Variants in PTPRD observed in about 807,000 individuals in gnomAD.
PTPRD encodes the protein receptor-type tyrosine-protein phosphatase delta.
PTPRD carries 34 observed loss-of-function variants against 214.5 expected under a neutral mutation model. The ratio of observed to expected loss-of-function variants is 0.16; its 90% CI spans 0.12 to 0.21. The LOEUF (loss-of-function observed/expected upper bound fraction) is 0.21. PTPRD is among the 10% of genes least tolerant of loss of function. The pLI, the probability that PTPRD is intolerant of heterozygous loss-of-function variation, is 1.00. For synonymous variants in PTPRD, 1,128 were observed against 845.7 expected (o/e 1.33, Z -5.79); for missense variants, 2,545 against 2,398.7 (o/e 1.06, Z -1.27).
At chr9:9,874,005 A>T (rs1045970785) in intron 5 of PTPRD, among the ~76,000 whole-genome samples, 1 of 152,184 alleles carries the variant, frequency 6.6e-6, no homozygotes, top group Non-Finnish European at 1.5e-5. Flanking sequence ...TTCTTCTTAA[A>T]GCAGATTTTA....
intron 5 of PTPRD, among the ~76,000 whole-genome samples, chr9:9,921,944 T>A (rs2082666606): frequency 6.6e-6 from 1 of 152,082 alleles, no homozygotes; most frequent in Non-Finnish European, 1.5e-5. Context: ...GTGGCAAAGC[T>A]AGTATTCAAG....
At chr9:9,722,512 A>T (rs1329678184) in intron 7 of PTPRD, among the ~76,000 whole-genome samples, 1 of 152,096 alleles carries the variant, frequency 6.6e-6, no homozygotes, top group African/African-American at 2.4e-5. Context: ...GCTGTTATGA[A>T]TAATGTTCCT....
chr9:8,997,377 T>C (rs1157338481), intron 11 of PTPRD, among the ~76,000 whole-genome samples: 1 of 152,116 alleles, frequency 6.6e-6, no homozygotes, highest in Non-Finnish European at 1.5e-5. Context: ...ATTTAGGTAA[T>C]TTTCACAATA....
chr9:9,697,310 T>C (rs1254963310), intron 7 of PTPRD, among the ~76,000 whole-genome samples: 1 of 152,122 alleles, frequency 6.6e-6, no homozygotes, highest in Admixed American at 6.6e-5. Context: ...TGCATATTAG[T>C]GTTATTTTTT....
chr9:8,814,410 G>C (rs1304211099), intron 11 of PTPRD, among the ~76,000 whole-genome samples: 1 of 152,112 alleles, frequency 6.6e-6, no homozygotes, highest in Non-Finnish European at 1.5e-5. Flanking sequence ...AGGAGGGGAA[G>C]ACCCCACAGA....
At chr9:8,709,957 ATTAT>A (rs1326419346) in intron 12 of PTPRD, among the ~76,000 whole-genome samples, 2 of 152,224 alleles carry the variant, frequency 1.3e-5, no homozygotes, top group African/African-American at 4.8e-5. Context: ...ATCACAGCTT[ATTAT>A]TTATTATGAA....
chr9:9,599,316 T>A (rs2093590063), intron 7 of PTPRD, among the ~76,000 whole-genome samples: 1 of 152,040 alleles, frequency 6.6e-6, no homozygotes, highest in African/African-American at 2.4e-5. Flanking sequence ...GACACACAAT[T>A]TACAGATGCC....
intron 36 of PTPRD, among the ~76,000 whole-genome samples, chr9:8,391,532 C>T (rs2089558714): frequency 6.6e-6 from 1 of 152,102 alleles, no homozygotes; most frequent in Admixed American, 6.6e-5. Flanking sequence ...CTGGGACGTG[C>T]ACACATCTTA....
At chr9:9,880,723 A>G (rs1383783193) in intron 5 of PTPRD, among the ~76,000 whole-genome samples, 1 of 152,150 alleles carries the variant, frequency 6.6e-6, no homozygotes, top group Non-Finnish European at 1.5e-5. Flanking sequence ...CTATAGTAAA[A>G]GATCTTTTTA....
chr9:10,397,630 T>A (rs2098195939), intron 2 of PTPRD, among the ~76,000 whole-genome samples: 1 of 152,018 alleles, frequency 6.6e-6, no homozygotes, highest in Non-Finnish European at 1.5e-5. Context: ...TACTGTATCT[T>A]TTATATGTTT....
At chr9:10,550,077 T>C (rs2060975145) in intron 2 of PTPRD, among the ~76,000 whole-genome samples, 1 of 152,132 alleles carries the variant, frequency 6.6e-6, no homozygotes, top group African/African-American at 2.4e-5. Context: ...GCATCACAGA[T>C]GAAAGAAGAG....
intron 5 of PTPRD, among the ~76,000 whole-genome samples, chr9:9,904,696 A>G (rs759370231): frequency 6.6e-6 from 1 of 152,048 alleles, no homozygotes; most frequent in African/African-American, 2.4e-5. Flanking sequence ...ATAAGGCAAA[A>G]TATAAGGTTA....
At chr9:9,989,587 T>C (rs2095842895) in intron 4 of PTPRD, among the ~76,000 whole-genome samples, 1 of 152,038 alleles carries the variant, frequency 6.6e-6, no homozygotes, top group African/African-American at 2.4e-5. Context: ...CTCACTAAAA[T>C]CTTCCATATT....
At chr9:8,994,692 G>A (rs1047779906) in intron 11 of PTPRD, among the ~76,000 whole-genome samples, 2 of 151,852 alleles carry the variant, frequency 1.3e-5, no homozygotes, top group Non-Finnish European at 2.9e-5. Context: ...TGTAATGAGT[G>A]ACACAGTGAG....
chr9:8,584,706 A>G (rs2093488907), intron 14 of PTPRD, among the ~76,000 whole-genome samples: 1 of 152,208 alleles, frequency 6.6e-6, no homozygotes, highest in African/African-American at 2.4e-5. Context: ...CAAACAGCAG[A>G]AAATAATCCA....
chr9:9,837,516 T>G (rs541602875), intron 5 of PTPRD, among the ~76,000 whole-genome samples: 1 of 152,102 alleles, frequency 6.6e-6, no homozygotes, highest in Non-Finnish European at 1.5e-5. Context: ...AAGGGCCATA[T>G]AGCTGAAGAT....
At chr9:8,333,415 C>T (rs568761092) in intron 43 of PTPRD, among the ~76,000 whole-genome samples, 1 of 151,532 alleles carries the variant, frequency 6.6e-6, no homozygotes, top group South Asian at 2.1e-4. Context: ...TTTAACAATA[C>T]TGTAATTTTC....
chr9:9,375,154 T>C (rs2060455562), intron 9 of PTPRD, among the ~76,000 whole-genome samples: 1 of 152,162 alleles, frequency 6.6e-6, no homozygotes. Context: ...GTTAATATCA[T>C]AAATTTTCTA....
rs562315631 is a variant in PTPRD at position 8,717,755 on chromosome 9, A to G, written c.64+16025T>C. Among the ~76,000 whole-genome samples the G allele has an allele frequency of 9.2e-5, 14 of 152,314 alleles. No homozygotes were observed. In the East Asian group the frequency reaches 2.5e-3, roughly 27 times the overall value. On this transcript the variant is annotated intron_variant, in intron 12 of 45. Transcript: ENST00000381196. ...CTATTCCAAGTGATTCTGATGTTTT[A>G]TCAAGTTGAGAATCACCGTTTTACC...
Sources: gnomAD v4.1 joint callset for allele counts (sites outside exome capture counted in the v4.1 genomes callset) on GRCh38, gnomAD v4.1.1 for gene constraint, MANE v1.5 for transcripts, NCBI Gene and HGNC (gene_info 2026-07-23, HGNC 2026-07-21) for gene names.